DAB1: variants seen among roughly 807,000 people sequenced by gnomAD.
The protein encoded by DAB1 is disabled homolog 1.
In DAB1, 15 loss-of-function variants were observed where a neutral mutation model predicts 64.6. The observed-to-expected ratio is 0.23, with a 90% CI of 0.16 to 0.36. DAB1 has a LOEUF of 0.36. Ranked by LOEUF, DAB1 falls within the 10% of genes least tolerant of loss-of-function variation. DAB1 has a pLI of 1.00. For missense variants in DAB1, 596 were observed against 706.7 expected, an observed-to-expected ratio of 0.84 and a Z score of 1.78; for synonymous variants, 235 against 251.9, an observed-to-expected ratio of 0.93 and a Z score of 0.64.
At chr1:58,250,390 C>G (rs1660754179) in intron 4 of DAB1, among the ~76,000 whole-genome samples, 1 of 152,356 alleles carries the variant, frequency 6.6e-6, no homozygotes, top group Non-Finnish European at 1.5e-5. Context: ...AGCTGGGTAT[C>G]CCGGAGAGGG....
chr1:57,590,262 T>C (rs180899458), intron 7 of DAB1, among the ~76,000 whole-genome samples: 11 of 152,238 alleles, frequency 7.2e-5, no homozygotes, highest in South Asian at 2.1e-4. Flanking sequence ...TATTGGACTA[T>C]GGCCTGAACC....
At chr1:58,138,516 C>G (rs992111715) in intron 5 of DAB1, among the ~76,000 whole-genome samples, 1 of 152,112 alleles carries the variant, frequency 6.6e-6, no homozygotes, top group Non-Finnish European at 1.5e-5. Context: ...GAAGCATGGG[C>G]CAGGCTCAGA....
chr1:57,264,578 T>C (rs1670442484), intron 2 of DAB1, among the ~76,000 whole-genome samples: 1 of 152,186 alleles, frequency 6.6e-6, no homozygotes, highest in Non-Finnish European at 1.5e-5. Context: ...GAGCCTCATT[T>C]TGTGGAAAGG....
chr1:58,130,807 G>A lies in DAB1; in HGVS notation n.387+19704C>T, dbSNP rs1254748693. On this transcript the variant is annotated intron_variant and non_coding_transcript_variant, in intron 5 of 20. Transcript: ENST00000485760. ...GGCCCCCACTCTCTTCTGGCTTATA[G>A]GGTTTCTGCCGAGAGATCCGCCGTT... Among the ~76,000 whole-genome samples, 5 of 152,274 alleles carry A rather than the reference G, an allele frequency of 3.3e-5. No homozygotes were observed. In the South Asian group the frequency reaches 8.3e-4, roughly 25 times the overall value.
intron 3 of DAB1, among the ~76,000 whole-genome samples, chr1:58,439,259 T>C (rs1019609611): frequency 2.0e-5 from 3 of 151,162 alleles, no homozygotes; most frequent in Admixed American, 1.3e-4. Context: ...ACTTCAAGTA[T>C]CACCTCCTCC....
At chr1:57,181,821 G>T (rs948551430) in intron 2 of DAB1, among the ~76,000 whole-genome samples, 6 of 152,162 alleles carry the variant, frequency 3.9e-5, no homozygotes, top group African/African-American at 7.2e-5. Flanking sequence ...ATCAAATGGA[G>T]ATATGCCTTA....
At chr1:57,361,903 A>G (rs1348948042) in intron 1 of DAB1, among the ~76,000 whole-genome samples, 1 of 152,206 alleles carries the variant, frequency 6.6e-6, no homozygotes, top group Non-Finnish European at 1.5e-5. Context: ...GTAATGATAC[A>G]ACAATCAGAA....
At chr1:57,757,477 G>A (rs1266510080) in intron 6 of DAB1, among the ~76,000 whole-genome samples, 1 of 152,028 alleles carries the variant, frequency 6.6e-6, no homozygotes, top group East Asian at 1.9e-4. Context: ...TCTAGCTTCT[G>A]GCGTTTGCTG....
chr1:57,380,114 T>C (rs563891548), intron 1 of DAB1, among the ~76,000 whole-genome samples: 14 of 152,324 alleles, frequency 9.2e-5, no homozygotes, highest in African/African-American at 3.1e-4. Context: ...ACCTACTTGG[T>C]GTCAGGCGCA....
At chr1:58,518,180 C>A (rs1376801623) in intron 2 of DAB1, among the ~76,000 whole-genome samples, 5 of 108,978 alleles carry the variant, frequency 4.6e-5, no homozygotes, top group African/African-American at 1.7e-4. Flanking sequence ...AAGTGAAATT[C>A]TGTCAGAAAG....
chr1:58,359,979 A>T (rs1320173457), intron 3 of DAB1, among the ~76,000 whole-genome samples: 1 of 152,164 alleles, frequency 6.6e-6, no homozygotes, highest in Non-Finnish European at 1.5e-5. Context: ...GGCAATATCA[A>T]CTACCTTGCT....
chr1:57,385,836 T>A (rs570570496), intron 1 of DAB1, among the ~76,000 whole-genome samples: 1 of 152,204 alleles, frequency 6.6e-6, no homozygotes, highest in Admixed American at 6.5e-5. Context: ...CGTGCTGCAC[T>A]TTATCATTGA....
chr1:57,952,758 A>G (rs1401743496), intron 5 of DAB1, among the ~76,000 whole-genome samples: 1 of 152,188 alleles, frequency 6.6e-6, no homozygotes, highest in East Asian at 1.9e-4. Flanking sequence ...AATTCAACTC[A>G]GCATCAGCTC....
chr1:57,163,683 C>T lies in DAB1; in HGVS notation c.68-18254G>A, dbSNP rs137915164. On this transcript the variant is annotated intron_variant, in intron 2 of 14. Coordinates refer to ENST00000371236, the MANE Select transcript of DAB1 (RefSeq NM_001365792.1). ...AGGGGCTAATAATCCAGATGAGTGA[C>T]GAGACAAGGATGACAGCACTAGATA... is the stretch of plus-strand genomic sequence containing the variant. Among the ~76,000 whole-genome samples, 44 of 151,802 alleles carry T rather than the reference C, an allele frequency of 2.9e-4. No homozygotes were observed. In the South Asian group the frequency reaches 6.5e-3, roughly 22 times the overall value.
At chr1:58,269,220 T>G (rs986342186) in intron 4 of DAB1, among the ~76,000 whole-genome samples, 34 of 147,890 alleles carry the variant, frequency 2.3e-4, no homozygotes, top group Non-Finnish European at 4.2e-4. Flanking sequence ...TGTGTCCATG[T>G]GATCTCATTG....
At chr1:57,263,929 T>C (rs183873602) in intron 2 of DAB1, among the ~76,000 whole-genome samples, 117 of 152,248 alleles carry the variant, frequency 7.7e-4, no homozygotes, top group African/African-American at 2.8e-3. Context: ...ACCCACATTC[T>C]ACCCTGTACC....
chr1:58,200,679 T>A (rs554608332), intron 4 of DAB1, among the ~76,000 whole-genome samples: 15 of 152,318 alleles, frequency 9.8e-5, no homozygotes, highest in African/African-American at 3.6e-4. Flanking sequence ...AAGGTGTAAT[T>A]CAATTGATTT....
intron 5 of DAB1, among the ~76,000 whole-genome samples, chr1:58,107,885 G>A (rs1651756661): frequency 1.3e-5 from 2 of 152,066 alleles, no homozygotes; most frequent in South Asian, 4.2e-4. Flanking sequence ...TCAAAGTGCT[G>A]GGATTACAGG....
chr1:57,049,867 G>C (rs1648996083), intron 9 of DAB1, among the ~76,000 whole-genome samples: 1 of 152,170 alleles, frequency 6.6e-6, no homozygotes, highest in Admixed American at 6.5e-5. Flanking sequence ...TTGAATAGTG[G>C]GTAGAAGGAA....
Sources: gnomAD v4.1 joint callset for allele counts (sites outside exome capture counted in the v4.1 genomes callset) on GRCh38, gnomAD v4.1.1 for gene constraint, MANE v1.5 for transcripts, NCBI Gene and HGNC (gene_info 2026-07-23, HGNC 2026-07-21) for gene names.